The following CASP6 variants were observed in gnomAD, a reference collection of about 807,000 sequenced individuals.
The protein encoded by CASP6 is caspase 6, also known as caspase-6.
In CASP6, 20 loss-of-function variants were observed where a neutral mutation model predicts 31.8. The observed-to-expected ratio is 0.63, with a 90% CI of 0.44 to 0.91. The LOEUF (loss-of-function observed/expected upper bound fraction) is 0.91. CASP6 is among the 40% of genes least tolerant of loss of function. The probability of loss-of-function intolerance (pLI) is 0.00; values close to 1 mark genes in which losing one functional copy is unlikely to be tolerated. For missense variants in CASP6, 328 were observed against 361.1 expected (o/e 0.91, Z 0.74); for synonymous variants, 130 against 127.8 (o/e 1.02, Z -0.12).
chr4:109,685,316 ACAGCACTTTGATGTG>A (rs1478940180), downstream of CASP6: 1 of 1,593,452 alleles, frequency 6.3e-7, no homozygotes. Flanking sequence ...AATCAAAGCA[ACAGCACTTTGATGTG>A]CAGCAATACA....
At chr4:109,700,185 T>C (rs1352532722) in intron 1 of CASP6, among the ~76,000 whole-genome samples, 1 of 152,216 alleles carries the variant, frequency 6.6e-6, no homozygotes, top group East Asian at 1.9e-4. Context: ...CTTGGGTCTT[T>C]AAAACTCTTG....
chr4:109,687,793 T>C (rs1045926441), downstream of CASP6: 13 of 556,012 alleles, frequency 2.3e-5, no homozygotes, highest in Non-Finnish European at 3.8e-5. Context: ...AGGGCTTGTA[T>C]GCGTCTATCA....
the CASP6 span, among the ~76,000 whole-genome samples, chr4:109,666,568 C>T: frequency 1.4e-4 from 22 of 152,112 alleles, no homozygotes; most frequent in Non-Finnish European, 2.1e-4. Context: ...TCTCTTCATA[C>T]GCCTATTTGC....
At chr4:109,678,532 C>T in the CASP6 span, among the ~76,000 whole-genome samples, 1,479 of 141,694 alleles carry the variant, frequency 0.01, 28 homozygotes, top group African/African-American at 0.037. Flanking sequence ...CGGGCAGAGG[C>T]GCTCCTCACA....
At chr4:109,679,507 G>A in the CASP6 span, among the ~76,000 whole-genome samples, 1 of 152,304 alleles carries the variant, frequency 6.6e-6, no homozygotes, top group African/African-American at 2.4e-5. Context: ...CCAGTCAGGA[G>A]TGGCAGCACG....
rs768095093 is a variant in CASP6, at chr4:109,690,983, C to T, written c.510G>A (p.Val170=). The T allele has an allele frequency of 6.2e-7, 1 of 1,612,386 alleles. No homozygotes were observed. The highest frequency in any genetic ancestry group is 1.1e-5 in the South Asian group (1 of 90,640). Residue 170 remains valine (V), a synonymous_variant, in exon 6 of 7, where the codon GTG becomes GTA. Transcript: ENST00000265164. ...IQACRGNQHD[V]PVIPLDVVDN... Reference sequence around the variant, plus strand: ...CTACTACATCCAAAGGAATGACTGGCACATCGTGCTGGTTTCCCCGACATG... The same window carrying T: ...CTACTACATCCAAAGGAATGACTGGTACATCGTGCTGGTTTCCCCGACATG...
chr4:109,681,328 G>C, the CASP6 span: 3 of 306,398 alleles, frequency 9.8e-6, no homozygotes, highest in South Asian at 5.1e-5. Context: ...TTGGTTAAAG[G>C]TAGTCAAAAG....
At chr4:109,694,012 G>A (rs1730160278) in intron 5 of CASP6, among the ~76,000 whole-genome samples, 1 of 152,144 alleles carries the variant, frequency 6.6e-6, no homozygotes, top group African/African-American at 2.4e-5. Flanking sequence ...GGGATTACAG[G>A]TGTGAGCCAT....
At chr4:109,705,386 T>C (rs1046795170), upstream of CASP6, among the ~76,000 whole-genome samples, 2 of 152,222 alleles carry the variant, frequency 1.3e-5, no homozygotes, top group Admixed American at 1.3e-4. Flanking sequence ...AGAGTTCTGA[T>C]AGAGATGTAC....
the CASP6 span, among the ~76,000 whole-genome samples, chr4:109,677,432 A>G: frequency 6.6e-6 from 1 of 152,146 alleles, no homozygotes; most frequent in East Asian, 1.9e-4. Flanking sequence ...GAGTGAATGT[A>G]TTTTGTGTGG....
the CASP6 span, chr4:109,673,796 C>T: frequency 2.1e-4 from 133 of 639,636 alleles, 2 homozygotes; most frequent in South Asian, 2.0e-3. Context: ...AGCCGGTTGG[C>T]GGGTGAGAGG....
upstream of CASP6, among the ~76,000 whole-genome samples, chr4:109,705,150 G>C (rs1289277846): frequency 6.6e-6 from 1 of 152,194 alleles, no homozygotes; most frequent in Non-Finnish European, 1.5e-5. Flanking sequence ...TAATACAACT[G>C]ATGACTTTAA....
chr4:109,702,732 GAA>G (rs141635085), intron 1 of CASP6: 1 of 152,236 alleles, frequency 6.6e-6, no homozygotes, highest in African/African-American at 2.4e-5. Flanking sequence ...TTACTTTGCA[GAA>G]AAAAGTTATT....
At chr4:109,703,514 G>C, upstream of CASP6, 1 of 1,350,410 alleles carries the variant, frequency 7.4e-7, no homozygotes, top group South Asian at 1.4e-5. Context: ...CGAGCGTGGG[G>C]CCAGTTGGTT....
the CASP6 span, among the ~76,000 whole-genome samples, chr4:109,671,770 T>C: frequency 6.6e-6 from 1 of 152,236 alleles, no homozygotes; most frequent in Admixed American, 6.5e-5. Flanking sequence ...GTTTTTTTCT[T>C]TGCCTTTTAG....
chr4:109,676,392 TG>T, the CASP6 span, among the ~76,000 whole-genome samples: 2 of 152,086 alleles, frequency 1.3e-5, no homozygotes, highest in Non-Finnish European at 2.9e-5. Flanking sequence ...TCCAAAAATA[TG>T]TATATGGTAA....
chr4:109,682,495 T>A, the CASP6 span: 2 of 1,064,294 alleles, frequency 1.9e-6, no homozygotes, highest in Non-Finnish European at 2.8e-6. Context: ...AAGATAATAT[T>A]TGGAAAGAGA....
chr4:109,690,180 TAAAAA>T (rs766890373), intron 6 of CASP6, among the ~76,000 whole-genome samples: 1 of 119,794 alleles, frequency 8.3e-6, no homozygotes, highest in African/African-American at 3.2e-5. Flanking sequence ...GTGAGACTAT[TAAAAA>T]AAAAAAAAAA....
downstream of CASP6, among the ~76,000 whole-genome samples, chr4:109,684,101 C>T (rs1392345685): frequency 1.4e-5 from 2 of 147,364 alleles, no homozygotes; most frequent in Admixed American, 6.7e-5. Flanking sequence ...CTTGCACTGT[C>T]GCCCAGGCTG....
Sources: gnomAD v4.1 joint callset for allele counts (sites outside exome capture counted in the v4.1 genomes callset) on GRCh38, gnomAD v4.1.1 for gene constraint, MANE v1.5 for transcripts, NCBI Gene and HGNC (gene_info 2026-07-23, HGNC 2026-07-21) for gene names.